The following HMCN1 variants were observed in gnomAD, a reference collection of about 807,000 sequenced individuals.
HMCN1 encodes hemicentin-1.
In HMCN1, 321 loss-of-function variants were observed where a neutral mutation model predicts 625.9. That is an observed-to-expected ratio of 0.51 (90% CI 0.47 to 0.56). The LOEUF (loss-of-function observed/expected upper bound fraction) is 0.56. Among genes scored for constraint, HMCN1 ranks in the 20% least tolerant of loss-of-function variants. HMCN1 has a pLI of 0.00. For missense variants in HMCN1, 6,588 were observed against 6,887.3 expected (o/e 0.96, Z 1.54); for synonymous variants, 2,425 against 2,417.6 (o/e 1.00, Z -0.09).
chr1:185,940,624 A>G (rs542368046), intron 11 of HMCN1, among the ~76,000 whole-genome samples: 2 of 152,336 alleles, frequency 1.3e-5, no homozygotes, highest in South Asian at 4.1e-4. Context: ...CCAAATCATG[A>G]TTGGGGCAGA....
chr1:185,863,724 G>C (rs1663009509), intron 2 of HMCN1, among the ~76,000 whole-genome samples: 1 of 152,118 alleles, frequency 6.6e-6, no homozygotes, highest in Non-Finnish European at 1.5e-5. Flanking sequence ...TTTTTGTTTA[G>C]GAAAACATAT....
intron 105 of HMCN1, among the ~76,000 whole-genome samples, chr1:186,187,422 C>T (rs1301266876): frequency 6.6e-6 from 1 of 152,172 alleles, no homozygotes; most frequent in Admixed American, 6.6e-5. Flanking sequence ...CTATTTTCCA[C>T]TCAACAATTT....
In HMCN1 at chr1:185,933,627, TCAG is replaced by T. The variant is rs1667664375; in HGVS notation, c.1632_1634del (p.Ser545del). On this transcript the variant is annotated inframe_deletion, in exon 11 of 107. Coordinates refer to ENST00000271588, the MANE Select transcript of HMCN1 (RefSeq NM_031935.3). ...AGAGCAGTTTTAACATGTCTCATCA[TCAG>T]TGCGGTGGATTACAATCTAACCTGG... 6.2e-7 allele frequency: 1 copy of T among 1,614,052 alleles called. No homozygotes were observed. Among genetic ancestry groups the T allele is most frequent in the African/African-American group, 1.3e-5 (1 of 75,062 alleles).
chr1:186,110,729 C>T (rs1660833527), intron 71 of HMCN1, among the ~76,000 whole-genome samples: 1 of 151,968 alleles, frequency 6.6e-6, no homozygotes, highest in Non-Finnish European at 1.5e-5. Context: ...AGGTATGAGA[C>T]CCAGGACACA....
chr1:185,950,017 C>T (rs1253857977), intron 11 of HMCN1, among the ~76,000 whole-genome samples: 4 of 151,458 alleles, frequency 2.6e-5, no homozygotes, highest in South Asian at 2.1e-4. Context: ...TGGTGTGTGG[C>T]GATTAGGCCT....
At chr1:185,998,814 CT>C (rs1366838650) in intron 25 of HMCN1, among the ~76,000 whole-genome samples, 4 of 152,148 alleles carry the variant, frequency 2.6e-5, no homozygotes, top group African/African-American at 9.6e-5. Context: ...AATGCAATTT[CT>C]TTCTTTTGTT....
chr1:185,956,087 T>G (rs1298369554), intron 11 of HMCN1, among the ~76,000 whole-genome samples: 1 of 152,164 alleles, frequency 6.6e-6, no homozygotes. Context: ...ATTAATCATA[T>G]TATATATACA....
chr1:186,107,123 T>A (rs779596501), intron 70 of HMCN1, among the ~76,000 whole-genome samples, 158 bp downstream of exon 70: 2 of 152,208 alleles, frequency 1.3e-5, no homozygotes, highest in Admixed American at 6.5e-5. Flanking sequence ...TCTCGCTTTG[T>A]CGCCCAGGCT....
At chr1:186,063,066 G>GTGTGTGTATATATATA (rs1491400415) in intron 48 of HMCN1, among the ~76,000 whole-genome samples, 1 of 29,942 alleles carries the variant, frequency 3.3e-5, no homozygotes, top group African/African-American at 1.8e-4. Flanking sequence ...GTGTGTGTGT[G>GTGTGTGTATATATATA]CATATATATA....
chr1:185,797,661 C>T (rs7544808), intron 1 of HMCN1, among the ~76,000 whole-genome samples: 9,982 of 147,874 alleles, frequency 0.068, 1,046 homozygotes, highest in African/African-American at 0.25. Context: ...CTCATTTATG[C>T]AATTGCTTTA....
intron 1 of HMCN1, among the ~76,000 whole-genome samples, chr1:185,790,683 T>C (rs1571355639): frequency 6.6e-6 from 1 of 152,202 alleles, no homozygotes; most frequent in East Asian, 1.9e-4. Context: ...CATTGCAGGA[T>C]GTTTGGCATC....
chr1:186,166,765 T>A, intron 99 of HMCN1, 43 bp from the exon 100 acceptor site: 1 of 1,613,944 alleles, frequency 6.2e-7, no homozygotes, highest in Non-Finnish European at 8.5e-7. Context: ...TTGGGCTGGG[T>A]GTTCTTCAGC....
At chr1:186,024,603 A>G (rs1057435008) in intron 36 of HMCN1, among the ~76,000 whole-genome samples, 2 of 152,220 alleles carry the variant, frequency 1.3e-5, no homozygotes, top group African/African-American at 4.8e-5. Flanking sequence ...TATGCTAAAC[A>G]TGATGTATGT....
chr1:186,072,341 CA>C (rs1399596913), intron 52 of HMCN1, among the ~76,000 whole-genome samples: 2 of 151,856 alleles, frequency 1.3e-5, no homozygotes, highest in South Asian at 2.1e-4. Flanking sequence ...TTTCTTTTAG[CA>C]AAAAAATTTA....
chr1:185,767,759 C>T (rs1457325408), intron 1 of HMCN1, among the ~76,000 whole-genome samples: 3 of 152,000 alleles, frequency 2.0e-5, no homozygotes, highest in Non-Finnish European at 4.4e-5. Flanking sequence ...TGCCAGCAGG[C>T]ATAATAGATC....
Position 186,000,172 on chromosome 1 carries a change from G to A in HMCN1, c.4002G>A (p.Gly1334=). 2 of 1,613,122 alleles carry A rather than the reference G, an allele frequency of 1.2e-6. No homozygotes were observed. The highest frequency in any genetic ancestry group is 1.7e-6 in the Non-Finnish European group (2 of 1,179,404). ...CTTCTGTTACACCCTATGACAATGG[G>A]GAGTACATCTGTGTGGCAGTCAATG... is the stretch of plus-strand genomic sequence containing the variant. ...VIASVTPYDN[G]EYICVAVNEA... Residue 1334 remains glycine (G), a synonymous_variant, in exon 26 of 107, where the codon GGG becomes GGA. Transcript: ENST00000271588.
In HMCN1 at chr1:185,909,410, C is replaced by T. The variant is rs2102450820; in HGVS notation, c.695C>T (p.Ala232Val). The T allele has an allele frequency of 6.2e-7, 1 of 1,613,256 alleles. No homozygotes were observed. Among genetic ancestry groups the T allele is most frequent in the Non-Finnish European group, 8.5e-7 (1 of 1,179,334 alleles). ...HLLSTDHLEQ[A>V]VNTWRIPFDP... is the part of the protein sequence containing the mutation. ...TTATCCACAGATCATTTGGAACAGGCTGTAAATACTTGGAGAATTCCTTTT... is the reference window on the plus strand; with the variant it reads ...TTATCCACAGATCATTTGGAACAGGTTGTAAATACTTGGAGAATTCCTTTT... The change falls in exon 5 of 107, where the codon GCT (alanine) becomes GTT (valine). Residue 232 changes from alanine (A) to valine (V), a missense_variant. This residue lies in a region of HMCN1 where 4,628 missense variants were observed against 4,853.1 expected (regional missense o/e 0.95). Coordinates refer to ENST00000271588, the MANE Select transcript of HMCN1 (RefSeq NM_031935.3).
At chr1:186,133,798 TCAAA>T (rs1346659542) in intron 86 of HMCN1, among the ~76,000 whole-genome samples, 4 of 134,902 alleles carry the variant, frequency 3.0e-5, no homozygotes, top group Non-Finnish European at 6.1e-5. Flanking sequence ...GGTTCTATGT[TCAAA>T]CAAACCTGAG....
chr1:185,909,513 G>C lies in HMCN1; in HGVS notation c.793+5G>C. The C allele has an allele frequency of 6.2e-7, 1 of 1,609,802 alleles. No homozygotes were observed. Among genetic ancestry groups the C allele is most frequent in the Non-Finnish European group, 8.5e-7 (1 of 1,176,400 alleles). ...TTGAAATTCGCAATCCTTTAGGTGA[G>C]ATATATCAAACATCACATAATAAAA... is the stretch of plus-strand genomic sequence containing the variant. On this transcript the variant is annotated splice_donor_5th_base_variant and intron_variant, in intron 5 of 106. Transcript: ENST00000271588.
Sources: gnomAD v4.1 joint callset for allele counts (sites outside exome capture counted in the v4.1 genomes callset) on GRCh38, gnomAD v4.1.1 for gene constraint, gnomAD v4.1.1 regional missense constraint, MANE v1.5 for transcripts, NCBI Gene and HGNC (gene_info 2026-07-23, HGNC 2026-07-21) for gene names.